SPAG16: variants seen among roughly 807,000 people sequenced by gnomAD.
SPAG16 encodes sperm associated antigen 16.
Under a neutral mutation model 80.4 loss-of-function variants are expected in SPAG16, and 86 were observed. The ratio of observed to expected loss-of-function variants is 1.07; its 90% CI spans 0.90 to 1.28. The LOEUF (loss-of-function observed/expected upper bound fraction) is 1.28. Among genes scored for constraint, SPAG16 ranks in the 50% most tolerant of loss-of-function variants. SPAG16 has a pLI of 0.00. For synonymous variants in SPAG16, 294 were observed against 265.9 expected (o/e 1.11, Z -1.03); for missense variants, 870 against 765.3 (o/e 1.14, Z -1.61).
intron 10 of SPAG16, among the ~76,000 whole-genome samples, chr2:213,711,242 TA>T (rs1023463191): frequency 7.2e-5 from 11 of 152,130 alleles, no homozygotes; most frequent in African/African-American, 2.4e-4. Context: ...GACTTTTGGA[TA>T]AATTGTTATG....
intron 10 of SPAG16, among the ~76,000 whole-genome samples, chr2:213,572,980 G>C (rs530117160): frequency 2.6e-5 from 4 of 152,128 alleles, no homozygotes; most frequent in Admixed American, 6.5e-5. Context: ...CGCAATATTC[G>C]GGTGGGAGTG....
intron 13 of SPAG16, among the ~76,000 whole-genome samples, chr2:214,019,371 G>C (rs1289925450): frequency 6.6e-6 from 1 of 152,052 alleles, no homozygotes; most frequent in Non-Finnish European, 1.5e-5. Flanking sequence ...GTCAGAGCTG[G>C]GCTGGCAACA....
At chr2:213,921,593 T>A (rs186657372) in intron 11 of SPAG16, among the ~76,000 whole-genome samples, 1 of 152,244 alleles carries the variant, frequency 6.6e-6, no homozygotes, top group Non-Finnish European at 1.5e-5. Flanking sequence ...CTGGTTATTA[T>A]GCAGACTTGT....
At chr2:213,664,121 G>C (rs536297077) in intron 10 of SPAG16, among the ~76,000 whole-genome samples, 51 of 152,098 alleles carry the variant, frequency 3.4e-4, no homozygotes, top group African/African-American at 1.2e-3. Flanking sequence ...TATAGTCCCT[G>C]TCATATTGCC....
intron 10 of SPAG16, among the ~76,000 whole-genome samples, chr2:213,651,999 G>A (rs980132503): frequency 5.3e-5 from 8 of 152,084 alleles, no homozygotes; most frequent in African/African-American, 1.9e-4. Context: ...GTACTTTTTG[G>A]TCTTTGACAT....
At chr2:213,862,139 A>T (rs2075493930) in intron 10 of SPAG16, among the ~76,000 whole-genome samples, 2 of 152,228 alleles carry the variant, frequency 1.3e-5, no homozygotes, top group South Asian at 4.1e-4. Context: ...CAAATATCCC[A>T]ACATAAAAAT....
intron 1 of SPAG16, among the ~76,000 whole-genome samples, chr2:213,290,831 T>C (rs2062238342): frequency 1.3e-5 from 2 of 152,224 alleles, no homozygotes; most frequent in Admixed American, 6.5e-5. Context: ...TCTGGCAAGA[T>C]TGTTATCCAA....
chr2:213,419,228 A>G (rs1398228787), intron 9 of SPAG16, among the ~76,000 whole-genome samples: 1 of 152,140 alleles, frequency 6.6e-6, no homozygotes, highest in Non-Finnish European at 1.5e-5. Flanking sequence ...CTTCCTGAAA[A>G]TTCTAGTCTA....
At chr2:214,344,688 T>G (rs1697943649) in intron 15 of SPAG16, among the ~76,000 whole-genome samples, 1 of 152,180 alleles carries the variant, frequency 6.6e-6, no homozygotes, top group Non-Finnish European at 1.5e-5. Context: ...TTCTATAAGG[T>G]ATGTTATTCT....
chr2:214,367,244 G>T (rs1260841778), intron 15 of SPAG16, among the ~76,000 whole-genome samples: 1 of 152,178 alleles, frequency 6.6e-6, no homozygotes, highest in East Asian at 1.9e-4. Flanking sequence ...AGACTCTCAA[G>T]AGTGGAAAGT....
chr2:214,199,540 C>T (rs2057949751), intron 15 of SPAG16, among the ~76,000 whole-genome samples: 1 of 151,942 alleles, frequency 6.6e-6, no homozygotes, highest in African/African-American at 2.4e-5. Context: ...AATGTGATGC[C>T]TCTAGATTTG....
At chr2:213,846,364 G>A (rs973583734) in intron 10 of SPAG16, among the ~76,000 whole-genome samples, 2 of 151,928 alleles carry the variant, frequency 1.3e-5, no homozygotes, top group African/African-American at 4.8e-5. Flanking sequence ...TTACCTGCCA[G>A]TAGTACCTGA....
chr2:213,454,611 A>C (rs1284413862), intron 9 of SPAG16, among the ~76,000 whole-genome samples: 1 of 152,218 alleles, frequency 6.6e-6, no homozygotes, highest in African/African-American at 2.4e-5. Context: ...TCCAAGAAGT[A>C]AAGATATTTG....
chr2:213,575,885 T>A (rs2060106437), intron 10 of SPAG16, among the ~76,000 whole-genome samples: 1 of 152,206 alleles, frequency 6.6e-6, no homozygotes, highest in South Asian at 2.1e-4. Context: ...ATAATAAGTA[T>A]ATGCCACAAA....
At chr2:214,006,877 G>A (rs1213157122) in intron 12 of SPAG16, among the ~76,000 whole-genome samples, 1 of 152,114 alleles carries the variant, frequency 6.6e-6, no homozygotes, top group Non-Finnish European at 1.5e-5. Context: ...GCTATGTGAA[G>A]ACCTAGCTTT....
intron 1 of SPAG16, among the ~76,000 whole-genome samples, chr2:213,290,518 A>T (rs913438970): frequency 2.6e-5 from 4 of 152,208 alleles, no homozygotes; most frequent in Admixed American, 6.5e-5. Flanking sequence ...GGCAGAAAAA[A>T]ATTTTGGAAC....
intron 10 of SPAG16, among the ~76,000 whole-genome samples, chr2:213,515,162 T>C (rs2075373914): frequency 6.8e-6 from 1 of 147,660 alleles, no homozygotes; most frequent in East Asian, 1.9e-4. Context: ...AAGTAGTACG[T>C]ATGTATATAT....
intron 9 of SPAG16, among the ~76,000 whole-genome samples, chr2:213,441,947 G>A (rs2070993010): frequency 6.6e-6 from 1 of 152,188 alleles, no homozygotes; most frequent in African/African-American, 2.4e-5. Flanking sequence ...AAGAGCTCAA[G>A]ACCAGCCTGG....
chr2:214,175,189 A>G (rs1252759268), intron 15 of SPAG16, among the ~76,000 whole-genome samples: 1 of 141,962 alleles, frequency 7.0e-6, no homozygotes, highest in Non-Finnish European at 1.5e-5. Context: ...GGAACCAGGA[A>G]TAAAGAAATA....
Sources: allele counts gnomAD v4.1 joint callset (sites outside exome capture counted in the v4.1 genomes callset), GRCh38; gene constraint gnomAD v4.1.1; transcripts MANE v1.5; gene names NCBI Gene and HGNC (gene_info 2026-07-23, HGNC 2026-07-21).